The following DAPP1 variants were observed in gnomAD, a reference collection of about 807,000 sequenced individuals.
DAPP1 encodes the protein dual adaptor of phosphotyrosine and 3-phosphoinositides 1, also known as dual adapter for phosphotyrosine and 3-phosphotyrosine and 3-phosphoinositide.
A neutral mutation model predicts 41.5 loss-of-function variants in DAPP1; 20 were observed. The ratio of observed to expected loss-of-function variants is 0.48; its 90% CI spans 0.34 to 0.70. The LOEUF is 0.70. Ranked by LOEUF, DAPP1 falls within the 30% of genes least tolerant of loss-of-function variation. The pLI is 0.01. For missense variants in DAPP1, 233 were observed against 333.4 expected (o/e 0.70, Z 2.35); for synonymous variants, 113 against 116.2 (o/e 0.97, Z 0.18).
chr4:99,840,873 T>A (rs1723471555), intron 3 of DAPP1, among the ~76,000 whole-genome samples: 1 of 152,154 alleles, frequency 6.6e-6, no homozygotes, highest in South Asian at 2.1e-4. Context: ...ATTGTCACGG[T>A]TTTTTAAATA....
At chr4:99,853,182 A>T in intron 3 of DAPP1, 36 bp from the exon 4 acceptor site, 1 of 1,610,214 alleles carries the variant, frequency 6.2e-7, no homozygotes, top group Non-Finnish European at 8.5e-7. Context: ...CCTTCTGGGA[A>T]CACTGTTCGA....
At position 99,869,181 on chromosome 4, in the gene DAPP1, A is replaced by G. The variant is rs1191559742; in HGVS notation, c.*996A>G. 6.6e-6 allele frequency: 1 copy of G among 152,186 alleles called. No homozygotes were observed. Among genetic ancestry groups the G allele is most frequent in the Non-Finnish European group, 1.5e-5 (1 of 68,040 alleles). The allele number at this position is 152,186 out of a possible 1,614,324, so 9.4% of individuals were successfully genotyped here. A position where few individuals can be genotyped will look rare whatever the true frequency, so the allele number is the denominator to read the frequency against. ...CTCCCTAAGCACCCTGGGCCTTATT[A>G]AAGAGCAACTTCTATTTCCAGTCGG... On this transcript the variant is annotated 3_prime_UTR_variant, in exon 9 of 9. Transcript: ENST00000512369.
chr4:99,841,223 G>T, intron 3 of DAPP1, among the ~76,000 whole-genome samples: 1 of 152,172 alleles, frequency 6.6e-6, no homozygotes, highest in East Asian at 1.9e-4. Flanking sequence ...TTGTACATAC[G>T]TGTTTTCTTG....
chr4:99,862,167 T>G (rs573479240), intron 5 of DAPP1, among the ~76,000 whole-genome samples: 2 of 152,312 alleles, frequency 1.3e-5, no homozygotes, highest in Admixed American at 6.5e-5. Context: ...TGTCTGCTCC[T>G]TCTCGTTTTA....
At chr4:99,834,630 GA>G (rs1325450811) in intron 1 of DAPP1, among the ~76,000 whole-genome samples, 1 of 152,090 alleles carries the variant, frequency 6.6e-6, no homozygotes, top group Non-Finnish European at 1.5e-5. Context: ...AAGAGTGTGA[GA>G]GACCAAAAAA....
intron 3 of DAPP1, among the ~76,000 whole-genome samples, chr4:99,846,758 T>C (rs1177826603): frequency 6.6e-6 from 1 of 152,226 alleles, no homozygotes; most frequent in Non-Finnish European, 1.5e-5. Flanking sequence ...GACTTGGATA[T>C]TTGAACAGAA....
intron 1 of DAPP1, among the ~76,000 whole-genome samples, chr4:99,832,458 G>A (rs1012369433): frequency 1.3e-5 from 2 of 152,198 alleles, no homozygotes; most frequent in African/African-American, 4.8e-5. Flanking sequence ...AGCTATTTGG[G>A]GAATGAGGAT....
rs1397935078 is a variant in DAPP1, at chr4:99,865,924, TA to T, written c.687-108del. ...TAATATATATATATATATATATATA[TA>T]ATATATATAATATATTATATTATAT... On this transcript the variant is annotated intron_variant, in intron 7 of 8. Transcript: ENST00000512369. 930 of 93,834 alleles carry T rather than the reference TA, an allele frequency of 9.9e-3. 3 individuals carry two copies. Among genetic ancestry groups the T allele is most frequent in the Non-Finnish European group, 0.015 (733 of 49,380 alleles). 5.8% of individuals were successfully genotyped at this position (93,834 alleles called of 1,614,324 possible). A position where few individuals can be genotyped will look rare whatever the true frequency, so the allele number is the denominator to read the frequency against.
intron 1 of DAPP1, among the ~76,000 whole-genome samples, chr4:99,824,961 G>A (rs145725504): frequency 1.1e-4 from 17 of 152,198 alleles, no homozygotes; most frequent in Non-Finnish European, 2.2e-4. Flanking sequence ...CACCCCTCCC[G>A]CAAGTAGTGG....
intron 2 of DAPP1, 145 bp downstream of exon 2, chr4:99,835,890 G>A: frequency 9.2e-7 from 1 of 1,084,838 alleles, no homozygotes; most frequent in East Asian, 2.6e-5. Flanking sequence ...AAATGATGAG[G>A]GTGTAAAACA....
At chr4:99,832,061 T>C (rs1270758298) in intron 1 of DAPP1, among the ~76,000 whole-genome samples, 2 of 152,158 alleles carry the variant, frequency 1.3e-5, no homozygotes, top group Non-Finnish European at 1.5e-5. Context: ...TTTTAGAACA[T>C]CCCTTGGGTA....
intron 4 of DAPP1, among the ~76,000 whole-genome samples, chr4:99,857,717 C>G (rs945910907): frequency 6.6e-6 from 1 of 150,866 alleles, no homozygotes; most frequent in African/African-American, 2.4e-5. Context: ...CACACACACA[C>G]ACACACACAC....
intron 1 of DAPP1, among the ~76,000 whole-genome samples, chr4:99,824,523 G>A (rs758106823): frequency 1.3e-5 from 2 of 152,142 alleles, no homozygotes; most frequent in Non-Finnish European, 2.9e-5. Context: ...ACAAGAATCT[G>A]CCTGTATTTT....
At chr4:99,825,180 C>A (rs140960927) in intron 1 of DAPP1, among the ~76,000 whole-genome samples, 1 of 152,052 alleles carries the variant, frequency 6.6e-6, no homozygotes, top group South Asian at 2.1e-4. Context: ...TGTGAGCTGG[C>A]GAGTCTATCT....
chr4:99,851,201 T>G (rs1214948592), intron 3 of DAPP1, among the ~76,000 whole-genome samples: 1 of 152,238 alleles, frequency 6.6e-6, no homozygotes, highest in Non-Finnish European at 1.5e-5. Context: ...AGCCGGCCCC[T>G]TCTCCTCATA....
At chr4:99,850,773 C>T (rs1476142190) in intron 3 of DAPP1, among the ~76,000 whole-genome samples, 1 of 152,102 alleles carries the variant, frequency 6.6e-6, no homozygotes, top group Non-Finnish European at 1.5e-5. Context: ...AAATCCATGT[C>T]CCCAAAGATG....
intron 3 of DAPP1, among the ~76,000 whole-genome samples, chr4:99,851,566 A>T: frequency 8.3e-6 from 1 of 121,206 alleles, no homozygotes; most frequent in Non-Finnish European, 1.6e-5. Flanking sequence ...TTTGAGACAG[A>T]GTCTCACTCT....
chr4:99,837,652 C>T (rs1723347450), intron 2 of DAPP1, among the ~76,000 whole-genome samples: 2 of 152,192 alleles, frequency 1.3e-5, no homozygotes, highest in Admixed American at 1.3e-4. Flanking sequence ...ATCAGAGGTC[C>T]TCAACCTTTT....
chr4:99,835,501 C>T, intron 1 of DAPP1, 122 bp from the exon 2 acceptor site: 1 of 1,404,666 alleles, frequency 7.1e-7, no homozygotes, highest in Non-Finnish European at 9.6e-7. Flanking sequence ...GGGCTGAGAG[C>T]TGGGTCTCTG....
Sources: gnomAD v4.1 joint callset for allele counts (sites outside exome capture counted in the v4.1 genomes callset) on GRCh38, gnomAD v4.1.1 for gene constraint, MANE v1.5 for transcripts, NCBI Gene and HGNC (gene_info 2026-07-23, HGNC 2026-07-21) for gene names.